NDST1: variants seen among roughly 807,000 people sequenced by gnomAD.
NDST1 encodes N-deacetylase and N-sulfotransferase 1.
A neutral mutation model predicts 92.8 loss-of-function variants in NDST1; 35 were observed. The observed-to-expected ratio is 0.38, with a 90% CI of 0.29 to 0.50. The LOEUF (loss-of-function observed/expected upper bound fraction) is 0.50, where lower values mean the gene tolerates loss of function less well. NDST1 is among the 20% of genes least tolerant of loss of function. The pLI is 0.94. For synonymous variants in NDST1, 493 were observed against 500.3 expected, an observed-to-expected ratio of 0.99 and a Z score of 0.19; for missense variants, 822 against 1,182.7, an observed-to-expected ratio of 0.69 and a Z score of 4.47.
At chr5:150,540,570 C>G (rs1473730019) in intron 8 of NDST1, among the ~76,000 whole-genome samples, 1 of 152,172 alleles carries the variant, frequency 6.6e-6, no homozygotes, top group African/African-American at 2.4e-5. Context: ...AATCCCAATA[C>G]TTTAGGAGGC....
chr5:150,497,860 T>G (rs1242679792), upstream of NDST1: 1 of 152,230 alleles, frequency 6.6e-6, no homozygotes, highest in Non-Finnish European at 1.5e-5. Context: ...TGAAAGCTGA[T>G]ATGAGGAGGC....
intron 3 of NDST1, among the ~76,000 whole-genome samples, chr5:150,530,370 G>A (rs956528866): frequency 1.4e-4 from 22 of 152,038 alleles, no homozygotes; most frequent in African/African-American, 5.3e-4. Flanking sequence ...TGTTCTACTC[G>A]AGGTGTTCTT....
chr5:150,545,991 CTT>C (rs34937690), intron 11 of NDST1, among the ~76,000 whole-genome samples: 2,709 of 83,542 alleles, frequency 0.032, 85 homozygotes, highest in African/African-American at 0.12. Context: ...CCAGAGCTGT[CTT>C]TTTTTTTTTT....
chr5:150,525,132 G>A (rs544140582), intron 2 of NDST1, among the ~76,000 whole-genome samples: 275 of 152,326 alleles, frequency 1.8e-3, no homozygotes, highest in African/African-American at 6.4e-3. Flanking sequence ...TGTCTCCGGA[G>A]TGGGTACTCA....
intron 1 of NDST1, among the ~76,000 whole-genome samples, chr5:150,518,399 G>A (rs916867142): frequency 9.9e-5 from 15 of 151,988 alleles, no homozygotes; most frequent in African/African-American, 3.6e-4. Context: ...TAGAATATCA[G>A]AGGTGAAGGA....
At chr5:150,535,601 C>T in intron 5 of NDST1, 99 bp from the exon 6 acceptor site, 1 of 1,460,692 alleles carries the variant, frequency 6.8e-7, no homozygotes, top group Admixed American at 1.7e-5. Context: ...GCCATGCCGA[C>T]CTAACCTCTG....
chr5:150,541,794 G>A, intron 9 of NDST1, 128 bp downstream of exon 9: 1 of 861,934 alleles, frequency 1.2e-6, no homozygotes, highest in Non-Finnish European at 1.9e-6. Flanking sequence ...AAGTAGGAAT[G>A]AAGTTGGGGT....
Position 150,553,493 on chromosome 5 carries a change from C to A in NDST1, c.*161C>A. ...GGGCTGGGGGAGCACCCAGGCGGATCTGCAAGCACCTCGGAGCACCCACCG... is the reference window on the plus strand; with the variant it reads ...GGGCTGGGGGAGCACCCAGGCGGATATGCAAGCACCTCGGAGCACCCACCG... On this transcript the variant is annotated 3_prime_UTR_variant, in exon 15 of 15. Coordinates refer to ENST00000261797, the MANE Select transcript of NDST1 (RefSeq NM_001543.5). The surrounding 1 kb of genome is among the most constrained non-coding windows in gnomAD (Gnocchi z 4.2). 1.0e-6 allele frequency: 1 copy of A among 995,004 alleles called. No individual in the cohort carries two copies. The highest frequency in any genetic ancestry group is 1.5e-6 in the Non-Finnish European group (1 of 645,408). The allele number at this position is 995,004 out of a possible 1,614,324, so 61.6% of individuals were successfully genotyped here. A position where few individuals can be genotyped will look rare whatever the true frequency, so the allele number is the denominator to read the frequency against.
chr5:150,549,950 T>TA (rs1462957924), intron 13 of NDST1, among the ~76,000 whole-genome samples, 163 bp downstream of exon 13: 1 of 151,794 alleles, frequency 6.6e-6, no homozygotes, highest in Non-Finnish European at 1.5e-5. Context: ...GGTATCACCT[T>TA]AAAAAAAAGG....
Position 150,553,246 on chromosome 5 carries a change from C to T in NDST1, c.2563C>T (p.His855Tyr). The T allele has an allele frequency of 6.2e-7, 1 of 1,613,802 alleles. No individual in the cohort carries two copies. Among genetic ancestry groups the T allele is most frequent in the Non-Finnish European group, 8.5e-7 (1 of 1,179,780 alleles). ...CTTCCTGAAGGACTATTACCGGGACCACAACATCGAGCTCTCCAAGCTGCT... is the reference window on the plus strand; with the variant it reads ...CTTCCTGAAGGACTATTACCGGGACTACAACATCGAGCTCTCCAAGCTGCT... ...RAFLKDYYRD[H>Y]NIELSKLLYK... The change falls in exon 15 of 15, where the codon CAC (histidine) becomes TAC (tyrosine). Residue 855 changes from histidine (H) to tyrosine (Y), a missense_variant. Physicochemically the swap from His to Tyr is moderately conservative, Grantham distance 83. Transcript: ENST00000261797. The surrounding 1 kb of genome is among the most constrained non-coding windows in gnomAD (Gnocchi z 4.2).
intron 1 of NDST1, among the ~76,000 whole-genome samples, chr5:150,500,932 A>G (rs549855071): frequency 6.6e-6 from 1 of 152,340 alleles, no homozygotes; most frequent in Non-Finnish European, 1.5e-5. Context: ...CTCCCTCTGC[A>G]GGGGCAGTGG....
At chr5:150,536,493 G>A (rs1188983704) in intron 6 of NDST1, among the ~76,000 whole-genome samples, 1 of 150,864 alleles carries the variant, frequency 6.6e-6, no homozygotes, top group African/African-American at 2.4e-5. Flanking sequence ...GTGACAAAGT[G>A]AGACTCTGTC....
intron 1 of NDST1, among the ~76,000 whole-genome samples, chr5:150,519,323 T>C (rs529847910): frequency 2.0e-5 from 3 of 152,192 alleles, no homozygotes; most frequent in Non-Finnish European, 2.9e-5. Context: ...AAGCCTTGAA[T>C]TCCCCCCTGG....
chr5:150,539,171 T>G, intron 6 of NDST1, 57 bp from the exon 7 acceptor site: 2 of 1,437,930 alleles, frequency 1.4e-6, no homozygotes, highest in Non-Finnish European at 2.0e-6. Context: ...GGAAGAGTCC[T>G]CCCACCACCC....
In NDST1 at chr5:150,512,787, T is replaced by C. The variant is rs181533878; in HGVS notation, c.-388+4561T>C. 2.0e-5 allele frequency among the ~76,000 whole-genome samples: 3 copies of C among 152,382 alleles called. No homozygotes were observed. In the East Asian group the frequency reaches 5.8e-4, roughly 29 times the overall value. On this transcript the variant is annotated intron_variant, in intron 1 of 14. Coordinates refer to ENST00000261797, the MANE Select transcript of NDST1 (RefSeq NM_001543.5). ...CCTCATCTCTCTTTGTCTTGGTAGCTGCCCTGCAAGATAGATAAGTAGTAT... is the reference window on the plus strand; with the variant it reads ...CCTCATCTCTCTTTGTCTTGGTAGCCGCCCTGCAAGATAGATAAGTAGTAT...
chr5:150,507,948 C>T (rs555798443), upstream of NDST1, among the ~76,000 whole-genome samples: 1 of 152,246 alleles, frequency 6.6e-6, no homozygotes, highest in Non-Finnish European at 1.5e-5. Flanking sequence ...AGGAGGACAT[C>T]CTCTTTCTGA....
At chr5:150,499,770 G>A (rs76873130) in intron 1 of NDST1, among the ~76,000 whole-genome samples, 9,504 of 152,212 alleles carry the variant, frequency 0.062, 354 homozygotes, top group East Asian at 0.13. Flanking sequence ...CTGAAAGGGC[G>A]GGCCCCACCC....
intron 11 of NDST1, among the ~76,000 whole-genome samples, chr5:150,545,727 A>G (rs1232149251): frequency 6.6e-6 from 1 of 152,180 alleles, no homozygotes; most frequent in Non-Finnish European, 1.5e-5. Context: ...TCCTGCCTCT[A>G]CTTCTGACAC....
intron 6 of NDST1, among the ~76,000 whole-genome samples, chr5:150,538,778 G>A (rs1755106182): frequency 6.6e-6 from 1 of 152,174 alleles, no homozygotes; most frequent in Non-Finnish European, 1.5e-5. Flanking sequence ...GACAAGGCAG[G>A]CCCATTCCCT....
Sources: allele counts gnomAD v4.1 joint callset (sites outside exome capture counted in the v4.1 genomes callset), GRCh38; gene constraint gnomAD v4.1.1; non-coding constraint Gnocchi (gnomAD v3.1); transcripts MANE v1.5; gene names NCBI Gene and HGNC (gene_info 2026-07-23, HGNC 2026-07-21).